Variants in NTNG1 observed in about 807,000 individuals in gnomAD.
NTNG1 encodes netrin G1.
In NTNG1, 16 loss-of-function variants were observed where a neutral mutation model predicts 54.0. The ratio of observed to expected loss-of-function variants is 0.30; its 90% CI spans 0.20 to 0.45. The LOEUF is 0.45. Ranked by LOEUF, NTNG1 falls within the 20% of genes least tolerant of loss-of-function variation. The pLI is 1.00. For missense variants in NTNG1, 530 were observed against 678.7 expected, an observed-to-expected ratio of 0.78 and a Z score of 2.43; for synonymous variants, 255 against 263.1, an observed-to-expected ratio of 0.97 and a Z score of 0.30.
At position 107,295,514 on chromosome 1, in the gene NTNG1, A is replaced by G. The variant is rs1323135433; in HGVS notation, c.247-28768A>G. On this transcript the variant is annotated intron_variant, in intron 2 of 7. Transcript: ENST00000370068. ...ATGGGTTTGTAGTGTAAGCATGAAGAAAACAGTTCCTAATATCTGCTGGAC... is the reference window on the plus strand; with the variant it reads ...ATGGGTTTGTAGTGTAAGCATGAAGGAAACAGTTCCTAATATCTGCTGGAC... Among the ~76,000 whole-genome samples, 6 of 152,172 alleles carry G rather than the reference A, an allele frequency of 3.9e-5. No individual in the cohort carries two copies. The East Asian group carries it at 1.2e-3, about 29-fold the overall frequency.
At chr1:107,286,033 C>T (rs947221861) in intron 2 of NTNG1, among the ~76,000 whole-genome samples, 1 of 152,144 alleles carries the variant, frequency 6.6e-6, no homozygotes, top group Admixed American at 6.6e-5. Context: ...TGTAGGAGAT[C>T]TGCAGTCGCT....
At chr1:107,284,660 G>GT (rs1246096252) in intron 2 of NTNG1, among the ~76,000 whole-genome samples, 2 of 151,986 alleles carry the variant, frequency 1.3e-5, no homozygotes, top group African/African-American at 4.8e-5. Context: ...ATCTGACTGT[G>GT]TTTTTTAAAA....
intron 5 of NTNG1, chr1:107,410,407 A>G (rs181755475): frequency 3.3e-5 from 5 of 152,270 alleles, no homozygotes; most frequent in Admixed American, 2.6e-4. Context: ...TTTGAAACAA[A>G]TTTCCCATTA....
intron 4 of NTNG1, among the ~76,000 whole-genome samples, chr1:107,406,743 T>G (rs2101140446): frequency 6.6e-6 from 1 of 152,264 alleles, no homozygotes; most frequent in Middle Eastern, 3.4e-3. Flanking sequence ...AGCAATACTC[T>G]GAGTGATTTA....
chr1:107,427,044 T>G (rs894479357), intron 5 of NTNG1, among the ~76,000 whole-genome samples: 10 of 152,172 alleles, frequency 6.6e-5, no homozygotes, highest in African/African-American at 2.4e-4. Flanking sequence ...ATCCTGAGAC[T>G]TTGCTTAAGT....
intron 1 of NTNG1, chr1:107,141,472 G>C (rs1333322634): frequency 1.3e-5 from 2 of 150,902 alleles, no homozygotes; most frequent in Non-Finnish European, 3.0e-5. Context: ...AAGTGCCTGC[G>C]GCTCGCCTCT....
chr1:107,363,664 C>G (rs1670417788), intron 3 of NTNG1, among the ~76,000 whole-genome samples: 1 of 152,046 alleles, frequency 6.6e-6, no homozygotes, highest in Non-Finnish European at 1.5e-5. Flanking sequence ...CCTCTCTTGC[C>G]AGTTATATAA....
At chr1:107,266,002 T>C (rs1457937532) in intron 2 of NTNG1, among the ~76,000 whole-genome samples, 3 of 152,232 alleles carry the variant, frequency 2.0e-5, no homozygotes, top group African/African-American at 7.2e-5. Flanking sequence ...CTTTTCAATC[T>C]TTGTGCTTTC....
chr1:107,363,607 A>G (rs1391111324), intron 3 of NTNG1, among the ~76,000 whole-genome samples: 2 of 151,836 alleles, frequency 1.3e-5, no homozygotes, highest in African/African-American at 2.4e-5. Flanking sequence ...GGTTAATTCT[A>G]TTCACTTCAT....
At chr1:107,262,213 A>G (rs1663398976) in intron 2 of NTNG1, among the ~76,000 whole-genome samples, 1 of 152,232 alleles carries the variant, frequency 6.6e-6, no homozygotes, top group South Asian at 2.1e-4. Context: ...TAGTAACACA[A>G]TTAGTAAATC....
chr1:107,344,899 C>T (rs2101937961), intron 3 of NTNG1, among the ~76,000 whole-genome samples: 1 of 152,178 alleles, frequency 6.6e-6, no homozygotes, highest in East Asian at 1.9e-4. Context: ...TAGCAATCTG[C>T]TTTAAAACAG....
chr1:107,250,584 A>T (rs535485121), intron 2 of NTNG1, among the ~76,000 whole-genome samples: 4 of 151,868 alleles, frequency 2.6e-5, no homozygotes, highest in East Asian at 3.9e-4. Flanking sequence ...AAAAATAAAA[A>T]AAATAAAAGA....
At chr1:107,396,795 A>G (rs1286565624) in intron 4 of NTNG1, among the ~76,000 whole-genome samples, 1 of 152,176 alleles carries the variant, frequency 6.6e-6, no homozygotes, top group Non-Finnish European at 1.5e-5. Context: ...AGGCTGGAAG[A>G]GTGTGATGTT....
intron 2 of NTNG1, among the ~76,000 whole-genome samples, chr1:107,229,636 T>A (rs999401786): frequency 4.6e-5 from 7 of 152,038 alleles, no homozygotes; most frequent in Non-Finnish European, 1.0e-4. Context: ...TGTGGGGAGT[T>A]GGGAAGCTGA....
chr1:107,295,100 G>T (rs1665863423), intron 2 of NTNG1, among the ~76,000 whole-genome samples: 1 of 152,186 alleles, frequency 6.6e-6, no homozygotes, highest in Non-Finnish European at 1.5e-5. Flanking sequence ...GATATCAGAA[G>T]GTGGTTGTGT....
At chr1:107,235,832 C>G (rs747650624) in intron 2 of NTNG1, among the ~76,000 whole-genome samples, 14 of 152,128 alleles carry the variant, frequency 9.2e-5, no homozygotes, top group Non-Finnish European at 1.6e-4. Context: ...GGGAGATTAG[C>G]TATGCCCCTG....
chr1:107,346,356 C>T (rs907386303), intron 3 of NTNG1, among the ~76,000 whole-genome samples: 1 of 152,112 alleles, frequency 6.6e-6, no homozygotes, highest in Non-Finnish European at 1.5e-5. Context: ...AGACTGCAGG[C>T]TGGAGAAAAA....
chr1:107,459,175 GT>G (rs943537353), intron 7 of NTNG1, among the ~76,000 whole-genome samples: 2 of 152,068 alleles, frequency 1.3e-5, no homozygotes, highest in Admixed American at 6.6e-5. Context: ...TTCCTCTTTT[GT>G]AACTTTGCAA....
rs975002531 is a variant in NTNG1 at position 107,481,021 on chromosome 1, A to C, written c.*181A>C. The C allele has an allele frequency of 1.8e-6, 1 of 554,838 alleles. No homozygotes were observed. Among genetic ancestry groups the C allele is most frequent in the Admixed American group, 3.1e-5 (1 of 32,200 alleles). The allele number at this position is 554,838 out of a possible 1,614,324, so 34.4% of individuals were successfully genotyped here. On this transcript the variant is annotated 3_prime_UTR_variant, in exon 8 of 8. Coordinates refer to ENST00000370068, the MANE Select transcript of NTNG1 (RefSeq NM_001113226.3). ...ACCCGTGGACAGCACATCCGAGTCA[A>C]GACTGTTAATTTCTGACTCCAGAGG...
Sources: allele counts gnomAD v4.1 joint callset (sites outside exome capture counted in the v4.1 genomes callset), GRCh38; gene constraint gnomAD v4.1.1; transcripts MANE v1.5; gene names NCBI Gene and HGNC (gene_info 2026-07-23, HGNC 2026-07-21).